The following STAG1 variants were observed in gnomAD, a reference collection of about 807,000 sequenced individuals.
STAG1 encodes cohesin subunit SA-1.
In STAG1, 26 loss-of-function variants were observed where a neutral mutation model predicts 170.9. The observed-to-expected ratio is 0.15, with a 90% CI of 0.11 to 0.21. The LOEUF (loss-of-function observed/expected upper bound fraction) is 0.21, where lower values mean the gene tolerates loss of function less well. Ranked by LOEUF, STAG1 falls within the 10% of genes least tolerant of loss-of-function variation. The pLI is 1.00. For synonymous variants in STAG1, 514 were observed against 497.7 expected (o/e 1.03, Z -0.44); for missense variants, 964 against 1,509.5 (o/e 0.64, Z 5.99).
intron 1 of STAG1, among the ~76,000 whole-genome samples, chr3:136,639,752 A>C (rs1940721226): frequency 1.3e-5 from 2 of 152,246 alleles, no homozygotes; most frequent in Non-Finnish European, 2.9e-5. Context: ...ATATAAACAA[A>C]CATTGGCACT....
chr3:136,378,279 A>T (rs189493940), intron 22 of STAG1, among the ~76,000 whole-genome samples: 1 of 152,336 alleles, frequency 6.6e-6, no homozygotes, highest in Non-Finnish European at 1.5e-5. Context: ...TTAACTCTTA[A>T]CTGCAGCAAA....
chr3:136,419,343 T>C (rs2087878412), intron 20 of STAG1, among the ~76,000 whole-genome samples: 1 of 152,242 alleles, frequency 6.6e-6, no homozygotes, highest in Non-Finnish European at 1.5e-5. Context: ...AAACTCTCTT[T>C]GGACAACAAA....
chr3:136,611,850 A>ATT (rs1300992085), intron 3 of STAG1, among the ~76,000 whole-genome samples: 2 of 142,510 alleles, frequency 1.4e-5, no homozygotes, highest in East Asian at 2.1e-4. Context: ...TATGTGTGGA[A>ATT]TTTTTTTTTT....
intron 1 of STAG1, among the ~76,000 whole-genome samples, chr3:136,694,643 A>C (rs940587446): frequency 3.3e-5 from 5 of 151,918 alleles, no homozygotes; most frequent in Admixed American, 6.6e-5. Context: ...TGGAGAAGAC[A>C]GTCTGGTAAA....
intron 9 of STAG1, among the ~76,000 whole-genome samples, chr3:136,495,740 A>C (rs1006497931): frequency 1.3e-5 from 2 of 152,048 alleles, no homozygotes; most frequent in African/African-American, 2.4e-5. Context: ...AGGCTGAGGC[A>C]GGTGGCTCGT....
intron 1 of STAG1, among the ~76,000 whole-genome samples, chr3:136,632,841 A>G (rs1940384275): frequency 6.6e-6 from 1 of 152,170 alleles, no homozygotes; most frequent in African/African-American, 2.4e-5. Flanking sequence ...CAGGCTATTT[A>G]TTGCAAAAAT....
intron 6 of STAG1, among the ~76,000 whole-genome samples, chr3:136,528,498 C>CCG (rs1553740682): frequency 1.5e-5 from 2 of 137,156 alleles, no homozygotes; most frequent in Non-Finnish European, 3.1e-5. Context: ...CCCCGCACCC[C>CCG]CCCCCCCAAA....
In STAG1 at chr3:136,613,313, CAAAAAAAA is replaced by C. The variant is rs60449608; in HGVS notation, c.133-8848_133-8841del. 1.1e-3 allele frequency among the ~76,000 whole-genome samples: 67 copies of C among 59,764 alleles called. 4 individuals are homozygous for C. The highest frequency in any genetic ancestry group is 1.2e-3 in the Admixed American group (4 of 3,408). The allele number at this position is 59,764 out of a possible 152,430, so 39.2% of individuals were successfully genotyped here. A position where few individuals can be genotyped will look rare whatever the true frequency, so the allele number is the denominator to read the frequency against. The stretch of plus-strand genomic sequence containing the variant: ...AAGTGAACAGAGTGAGACTCCGTCT[CAAAAAAAA>C]AAAAAAAAAAAAAAGAAATCAGAGT... On this transcript the variant is annotated intron_variant, in intron 3 of 33. Coordinates refer to ENST00000383202, the MANE Select transcript of STAG1 (RefSeq NM_005862.3).
At chr3:136,548,032 T>A (rs1412069052) in intron 5 of STAG1, among the ~76,000 whole-genome samples, 1 of 152,202 alleles carries the variant, frequency 6.6e-6, no homozygotes, top group Non-Finnish European at 1.5e-5. Flanking sequence ...AAGTTGTCCA[T>A]ACATACGTGA....
intron 1 of STAG1, among the ~76,000 whole-genome samples, chr3:136,711,060 A>AATATAT (rs369140347): frequency 4.0e-5 from 6 of 148,506 alleles, no homozygotes; most frequent in African/African-American, 7.4e-5. Flanking sequence ...CAAAAAGAAA[A>AATATAT]ATATATATAT....
rs1407308646 is a variant in STAG1, at chr3:136,337,021, AT to A, written c.*1232del. 2.6e-5 allele frequency: 4 copies of A among 152,592 alleles called. No homozygotes were observed. The highest frequency in any genetic ancestry group is 9.7e-5 in the African/African-American group (4 of 41,450). 9.5% of individuals were successfully genotyped at this position (152,592 alleles called of 1,614,324 possible). Reference sequence around the variant, plus strand: ...AGCAAGTCATAAAAGTCTAGGCAGAATGTAACTCTAAACCATTGTAGACTGT... The same window carrying A: ...AGCAAGTCATAAAAGTCTAGGCAGAAGTAACTCTAAACCATTGTAGACTGT... On this transcript the variant is annotated 3_prime_UTR_variant, in exon 34 of 34. Transcript: ENST00000383202.
Position 136,741,360 on chromosome 3 carries a change from G to C in STAG1, c.-84+10835C>G, listed in dbSNP as rs972013262. On this transcript the variant is annotated intron_variant, in intron 1 of 33. Transcript: ENST00000383202. The stretch of plus-strand genomic sequence containing the variant: ...CCATTAAACTATGCCAAGTTAACTT[G>C]TCAGCCTATAAATAGGGTAAAACTT... Among the ~76,000 whole-genome samples the C allele has an allele frequency of 2.6e-5, 4 of 152,364 alleles. No individual in the cohort carries two copies. The South Asian group carries it at 6.2e-4, about 24-fold the overall frequency.
intron 28 of STAG1, among the ~76,000 whole-genome samples, chr3:136,352,675 C>A (rs1936479706): frequency 6.6e-6 from 1 of 151,916 alleles, no homozygotes; most frequent in African/African-American, 2.4e-5. Context: ...TGGTGAGTAC[C>A]TATACAATCA....
At chr3:136,552,529 T>C (rs1576599123) in intron 5 of STAG1, among the ~76,000 whole-genome samples, 1 of 152,146 alleles carries the variant, frequency 6.6e-6, no homozygotes, top group Admixed American at 6.5e-5. Context: ...AAATTCAATA[T>C]ATAGAAGCAA....
At chr3:136,407,707 C>T (rs953813403) in intron 21 of STAG1, among the ~76,000 whole-genome samples, 1 of 151,982 alleles carries the variant, frequency 6.6e-6, no homozygotes, top group African/African-American at 2.4e-5. Flanking sequence ...GGTGATCTGC[C>T]CACCTCAGCC....
chr3:136,692,213 C>G (rs1942748779), intron 1 of STAG1, among the ~76,000 whole-genome samples: 3 of 145,080 alleles, frequency 2.1e-5, no homozygotes, highest in South Asian at 4.3e-4. Flanking sequence ...ACTCAGGAAG[C>G]TGAGGCAGGA....
At chr3:136,514,273 A>G (rs1010749320) in intron 7 of STAG1, among the ~76,000 whole-genome samples, 2 of 152,220 alleles carry the variant, frequency 1.3e-5, no homozygotes, top group African/African-American at 4.8e-5. Context: ...ACACTTCTCA[A>G]AAGAAGACAT....
chr3:136,669,952 G>C lies in STAG1; in HGVS notation c.-83-38971C>G, dbSNP rs538059938. ...TCAACTAATTATGTGCTACTAATTGGTAACACACAAATAACTAAAATATAT... is the reference window on the plus strand; with the variant it reads ...TCAACTAATTATGTGCTACTAATTGCTAACACACAAATAACTAAAATATAT... On this transcript the variant is annotated intron_variant, in intron 1 of 33. Coordinates refer to ENST00000383202, the MANE Select transcript of STAG1 (RefSeq NM_005862.3). Among the ~76,000 whole-genome samples, 32 of 152,206 alleles carry C rather than the reference G, an allele frequency of 2.1e-4. No homozygotes were observed. In the East Asian group the frequency reaches 6.2e-3, roughly 29 times the overall value.
intron 1 of STAG1, among the ~76,000 whole-genome samples, chr3:136,674,882 TGTAGA>T (rs1321089341): frequency 1.3e-5 from 2 of 152,104 alleles, no homozygotes; most frequent in African/African-American, 2.4e-5. Flanking sequence ...GCCCTGAACA[TGTAGA>T]GTAGAGAACT....
Sources: gnomAD v4.1 joint callset for allele counts (sites outside exome capture counted in the v4.1 genomes callset) on GRCh38, gnomAD v4.1.1 for gene constraint, MANE v1.5 for transcripts, NCBI Gene and HGNC (gene_info 2026-07-23, HGNC 2026-07-21) for gene names.